Variants in LHFPL3 observed in about 807,000 individuals in gnomAD.
LHFPL3 encodes the protein LHFPL tetraspan subfamily member 3 protein.
Under a neutral mutation model 19.3 loss-of-function variants are expected in LHFPL3, and 5 were observed. That is an observed-to-expected ratio of 0.26 (90% CI 0.14 to 0.54). The LOEUF (loss-of-function observed/expected upper bound fraction) is 0.54. Among genes scored for constraint, LHFPL3 ranks in the 20% least tolerant of loss-of-function variants. The pLI, the probability that LHFPL3 is intolerant of heterozygous loss-of-function variation, is 0.94. For missense variants in LHFPL3, 249 were observed against 307.4 expected (o/e 0.81, Z 1.42); for synonymous variants, 133 against 126.2 (o/e 1.05, Z -0.36).
chr7:104,807,455 A>G (rs1430378388), intron 2 of LHFPL3, among the ~76,000 whole-genome samples: 2 of 152,202 alleles, frequency 1.3e-5, no homozygotes, highest in Admixed American at 6.5e-5. Context: ...CGTTTGTGGT[A>G]CTTTGTTACA....
At chr7:104,621,778 A>T (rs1436357677) in intron 1 of LHFPL3, among the ~76,000 whole-genome samples, 1 of 152,180 alleles carries the variant, frequency 6.6e-6, no homozygotes, top group Non-Finnish European at 1.5e-5. Flanking sequence ...AACAGGAAGA[A>T]GGGCAGGAAG....
intron 1 of LHFPL3, among the ~76,000 whole-genome samples, chr7:104,688,457 T>A (rs1326133418): frequency 2.0e-5 from 3 of 152,166 alleles, no homozygotes; most frequent in East Asian, 3.8e-4. Flanking sequence ...TGGAAAAGAA[T>A]GGGACCCTGC....
intron 1 of LHFPL3, among the ~76,000 whole-genome samples, chr7:104,604,244 G>C (rs1364237419): frequency 6.6e-6 from 1 of 152,216 alleles, no homozygotes; most frequent in Admixed American, 6.5e-5. Flanking sequence ...AGCCTCGCCT[G>C]ACCCTGCCAG....
At chr7:104,550,354 G>T (rs537906698) in intron 1 of LHFPL3, among the ~76,000 whole-genome samples, 3 of 151,966 alleles carry the variant, frequency 2.0e-5, no homozygotes, top group Non-Finnish European at 4.4e-5. Flanking sequence ...TTTGTTCTGG[G>T]GAGAAGAATA....
intron 1 of LHFPL3, among the ~76,000 whole-genome samples, chr7:104,596,923 T>C (rs1790874692): frequency 6.6e-6 from 1 of 152,208 alleles, no homozygotes; most frequent in Non-Finnish European, 1.5e-5. Context: ...TGTTCATCCA[T>C]TTTATCCCCA....
intron 1 of LHFPL3, chr7:104,668,479 A>G: frequency 5.0e-6 from 8 of 1,612,792 alleles, no homozygotes; most frequent in Non-Finnish European, 6.8e-6. Context: ...CCACGCCGGG[A>G]TATGGATCGA....
intron 1 of LHFPL3, among the ~76,000 whole-genome samples, chr7:104,649,073 G>T (rs996237049): frequency 1.3e-5 from 2 of 152,156 alleles, no homozygotes; most frequent in African/African-American, 4.8e-5. Flanking sequence ...CTTAGCTGCT[G>T]CTCAGCTAAC....
intron 2 of LHFPL3, among the ~76,000 whole-genome samples, chr7:104,822,488 T>C (rs1790693537): frequency 6.6e-6 from 1 of 152,198 alleles, no homozygotes; most frequent in African/African-American, 2.4e-5. Context: ...ATCTGTCCTG[T>C]GCATTGTAGG....
At chr7:104,475,802 C>A (rs576703725) in intron 1 of LHFPL3, among the ~76,000 whole-genome samples, 1 of 152,100 alleles carries the variant, frequency 6.6e-6, no homozygotes, top group Non-Finnish European at 1.5e-5. Flanking sequence ...AAAATGATTT[C>A]GGGGAAGGCT....
At chr7:104,707,223 G>A (rs1373177503) in intron 1 of LHFPL3, among the ~76,000 whole-genome samples, 2 of 152,098 alleles carry the variant, frequency 1.3e-5, no homozygotes, top group East Asian at 3.9e-4. Context: ...CAATTCCCAG[G>A]GTACATAGTG....
rs1364167321 is a variant in LHFPL3 at position 104,824,560 on chromosome 7, T to G, written c.683-81627T>G. Among the ~76,000 whole-genome samples the G allele has an allele frequency of 7.3e-4, 55 of 75,208 alleles. 1 individual carries two copies. The highest frequency in any genetic ancestry group is 3.1e-3 in the African/African-American group (55 of 17,792). 49.3% of individuals were successfully genotyped at this position (75,208 alleles called of 152,430 possible). On this transcript the variant is annotated intron_variant, in intron 2 of 2. Coordinates refer to ENST00000424859, the MANE Select transcript of LHFPL3 (RefSeq NM_199000.3). ...ATATATAATTATATATAATATATAA[T>G]TATATATATTATTTTATATATAATA...
chr7:104,408,564 T>A (rs1352163304), intron 1 of LHFPL3, among the ~76,000 whole-genome samples: 2 of 152,202 alleles, frequency 1.3e-5, no homozygotes, highest in African/African-American at 4.8e-5. Flanking sequence ...GCAGATCATC[T>A]CTGTGGGGTA....
At chr7:104,519,875 A>C (rs1473100307) in intron 1 of LHFPL3, among the ~76,000 whole-genome samples, 2 of 152,158 alleles carry the variant, frequency 1.3e-5, no homozygotes, top group African/African-American at 4.8e-5. Flanking sequence ...AGAATTATAA[A>C]GTAGAAATGT....
Position 104,329,238 on chromosome 7 carries a change from C to T in LHFPL3, c.445+14C>T, listed in dbSNP as rs758989794. 11 of 1,583,724 alleles carry T rather than the reference C, an allele frequency of 6.9e-6. No individual in the cohort carries two copies. The highest frequency in any genetic ancestry group is 8.6e-6 in the Non-Finnish European group (10 of 1,161,466). ...AGCTCACCTCCGGTGAGTGCGCGCT[C>T]ACCTCCGCGGAGGCGGAGGACCCCG... On this transcript the variant is annotated intron_variant, in intron 1 of 2. Coordinates refer to ENST00000424859, the MANE Select transcript of LHFPL3 (RefSeq NM_199000.3).
intron 2 of LHFPL3, among the ~76,000 whole-genome samples, chr7:104,865,986 G>C (rs1243758459): frequency 2.0e-5 from 3 of 152,148 alleles, no homozygotes; most frequent in South Asian, 2.1e-4. Context: ...AGCTTCATAA[G>C]TGAAGGAGAA....
chr7:104,523,293 C>A (rs1244023386), intron 1 of LHFPL3, among the ~76,000 whole-genome samples: 1 of 151,986 alleles, frequency 6.6e-6, no homozygotes, highest in African/African-American at 2.4e-5. Flanking sequence ...TCTCATGTGA[C>A]AAATTTGTCT....
At chr7:104,815,755 C>T (rs1790550038) in intron 2 of LHFPL3, among the ~76,000 whole-genome samples, 1 of 152,114 alleles carries the variant, frequency 6.6e-6, no homozygotes, top group South Asian at 2.1e-4. Context: ...GAGTCTCATG[C>T]CCTGGATTCT....
At chr7:104,874,389 G>C (rs1344354364) in intron 2 of LHFPL3, among the ~76,000 whole-genome samples, 13 of 141,610 alleles carry the variant, frequency 9.2e-5, no homozygotes, top group African/African-American at 3.5e-4. Flanking sequence ...TAAAAGGAAT[G>C]CTTTTTTTTT....
chr7:104,744,625 T>G (rs1794005533), intron 2 of LHFPL3, among the ~76,000 whole-genome samples: 1 of 152,244 alleles, frequency 6.6e-6, no homozygotes, highest in Non-Finnish European at 1.5e-5. Context: ...CTCATTCCAT[T>G]CAGGTTTTCA....
Sources: allele counts gnomAD v4.1 joint callset (sites outside exome capture counted in the v4.1 genomes callset), GRCh38; gene constraint gnomAD v4.1.1; transcripts MANE v1.5; gene names NCBI Gene and HGNC (gene_info 2026-07-23, HGNC 2026-07-21).